The following MGA variants were observed in gnomAD, a reference collection of about 807,000 sequenced individuals.
The protein encoded by MGA is MAX gene-associated protein.
In MGA, 40 loss-of-function variants were observed where a neutral mutation model predicts 261.1. The ratio of observed to expected loss-of-function variants is 0.15; its 90% CI spans 0.12 to 0.20. MGA has a LOEUF of 0.20. Ranked by LOEUF, MGA falls within the 10% of genes least tolerant of loss-of-function variation. The probability of loss-of-function intolerance (pLI) is 1.00; values close to 1 mark genes in which losing one functional copy is unlikely to be tolerated. For synonymous variants in MGA, 1,302 were observed against 1,290.6 expected (o/e 1.01, Z -0.19); for missense variants, 3,397 against 3,630.5 (o/e 0.94, Z 1.65).
intron 2 of MGA, among the ~76,000 whole-genome samples, chr15:41,685,068 A>T (rs1251951592): frequency 6.6e-6 from 1 of 152,216 alleles, no homozygotes; most frequent in Non-Finnish European, 1.5e-5. Context: ...GTTAAGTGAA[A>T]TGTTTGAAAG....
chr15:41,651,701 T>TC (rs2057056795), intron 1 of MGA, among the ~76,000 whole-genome samples: 1 of 49,682 alleles, frequency 2.0e-5, no homozygotes, highest in Non-Finnish European at 4.0e-5. Flanking sequence ...TCTTACCCCT[T>TC]CCCCTCTCTT....
At chr15:41,752,093 T>C (rs1880937) in intron 17 of MGA, 118,056 of 151,762 alleles carry the variant, frequency 0.78, 46,524 homozygotes, top group East Asian at 0.89. Context: ...AGTGCAGTGG[T>C]GCGAACTCAG....
intron 1 of MGA, among the ~76,000 whole-genome samples, chr15:41,652,334 C>T (rs1292288458): frequency 4.4e-5 from 6 of 135,142 alleles, no homozygotes; most frequent in African/African-American, 1.4e-4. Flanking sequence ...TCTTCTTTCA[C>T]CTCTCCCTTC....
chr15:41,637,790 G>A (rs922820993), intron 1 of MGA, among the ~76,000 whole-genome samples: 1 of 152,022 alleles, frequency 6.6e-6, no homozygotes, highest in Non-Finnish European at 1.5e-5. Flanking sequence ...TGTTGCTCAG[G>A]CTGGAGTGCA....
intron 15 of MGA, among the ~76,000 whole-genome samples, chr15:41,743,764 T>C (rs1175352184): frequency 4.6e-5 from 7 of 152,226 alleles, no homozygotes; most frequent in African/African-American, 1.7e-4. Context: ...CAGCACCTAT[T>C]TAATTGCTGG....
intron 1 of MGA, among the ~76,000 whole-genome samples, chr15:41,625,437 G>GTT (rs11304349): frequency 6.3e-5 from 9 of 143,202 alleles, no homozygotes; most frequent in African/African-American, 1.3e-4. Flanking sequence ...GAGGCCGGGA[G>GTT]TTTTTTTTTT....
At chr15:41,656,430 C>T (rs992733126), upstream of MGA, among the ~76,000 whole-genome samples, 1 of 149,366 alleles carries the variant, frequency 6.7e-6, no homozygotes, top group African/African-American at 2.4e-5. Context: ...CAACCTCTGC[C>T]CCCTGGGCTT....
chr15:41,688,087 T>C (rs974794882), intron 2 of MGA, among the ~76,000 whole-genome samples: 4 of 152,202 alleles, frequency 2.6e-5, no homozygotes, highest in Non-Finnish European at 4.4e-5. Flanking sequence ...TAAAACTATT[T>C]TATTTTGAGA....
At chr15:41,641,952 C>T (rs2056830910) in intron 1 of MGA, among the ~76,000 whole-genome samples, 1 of 152,084 alleles carries the variant, frequency 6.6e-6, no homozygotes, top group Non-Finnish European at 1.5e-5. Flanking sequence ...CACGCCACCA[C>T]ACCTAGCTAA....
chr15:41,643,105 C>G (rs2056858320), intron 1 of MGA, among the ~76,000 whole-genome samples: 1 of 149,170 alleles, frequency 6.7e-6, no homozygotes. Flanking sequence ...CAGGGTCTTG[C>G]TGTGTTGCTG....
chr15:41,636,381 C>T (rs573505884), intron 1 of MGA, among the ~76,000 whole-genome samples: 1 of 152,060 alleles, frequency 6.6e-6, no homozygotes, highest in South Asian at 2.1e-4. Context: ...CAACCCCCGC[C>T]CCCCAGGTTC....
intron 1 of MGA, among the ~76,000 whole-genome samples, chr15:41,660,788 C>T (rs1317841626): frequency 1.3e-5 from 2 of 152,184 alleles, no homozygotes; most frequent in South Asian, 4.1e-4. Context: ...ACATCGACGC[C>T]AGAGAGAGCG....
chr15:41,763,657 C>T (rs1279860195), intron 22 of MGA, among the ~76,000 whole-genome samples: 3 of 151,684 alleles, frequency 2.0e-5, no homozygotes, highest in Non-Finnish European at 4.4e-5. Context: ...GCAGGAGAAT[C>T]ACTTTAACCC....
chr15:41,737,185 G>A (rs1050873530), intron 13 of MGA, among the ~76,000 whole-genome samples: 21 of 152,166 alleles, frequency 1.4e-4, no homozygotes, highest in South Asian at 2.1e-4. Context: ...TTTATTTATT[G>A]CAATCTTGGC....
chr15:41,764,823 C>T (rs1023292329), intron 22 of MGA, 63 bp from the exon 23 acceptor site: 1 of 1,539,968 alleles, frequency 6.5e-7, no homozygotes, highest in South Asian at 1.2e-5. Flanking sequence ...GGATTACAGG[C>T]ATGAGCCACC....
chr15:41,766,087 A>AG lies in MGA; in HGVS notation c.8006dup (p.Ser2669ArgfsTer6). The AG allele has an allele frequency of 6.2e-7, 1 of 1,614,000 alleles. No homozygotes were observed. Among genetic ancestry groups the AG allele is most frequent in the Non-Finnish European group, 8.5e-7 (1 of 1,179,876 alleles). On this transcript the variant is annotated frameshift_variant, in exon 24 of 24. Coordinates refer to ENST00000219905, the MANE Select transcript of MGA (RefSeq NM_001164273.2). LOFTEE classifies it high-confidence loss of function. ...GGGAGGTTTGGTAGATATGGGTGGC[A>AG]GCAAATATCCTCATGAAGTTCCTGA... is the stretch of plus-strand genomic sequence containing the variant.
chr15:41,757,946 C>A, intron 19 of MGA, 107 bp downstream of exon 19: 1 of 862,258 alleles, frequency 1.2e-6, no homozygotes, highest in Non-Finnish European at 1.8e-6. Context: ...TTTCTCAGGG[C>A]TATTTTTGCC....
At chr15:41,761,315 G>A (rs1465939930) in intron 20 of MGA, among the ~76,000 whole-genome samples, 1 of 152,226 alleles carries the variant, frequency 6.6e-6, no homozygotes, top group Non-Finnish European at 1.5e-5. Context: ...AATATCTAAA[G>A]TAATTTCGTT....
chr15:41,758,262 G>T (rs1319040483), intron 19 of MGA, among the ~76,000 whole-genome samples: 1 of 152,002 alleles, frequency 6.6e-6, no homozygotes, highest in Non-Finnish European at 1.5e-5. Context: ...AATCTTTTTG[G>T]TTTATATCAT....
Sources: gnomAD v4.1 joint callset for allele counts (sites outside exome capture counted in the v4.1 genomes callset) on GRCh38, gnomAD v4.1.1 for gene constraint, MANE v1.5 for transcripts, NCBI Gene and HGNC (gene_info 2026-07-23, HGNC 2026-07-21) for gene names.